Variants in KDM2A observed in about 807,000 individuals in gnomAD.
KDM2A encodes the protein lysine demethylase 2A, also known as lysine-specific demethylase 2A.
A neutral mutation model predicts 137.3 loss-of-function variants in KDM2A; 3 were observed. The observed-to-expected ratio is 0.02, with a 90% confidence interval of 0.01 to 0.06. KDM2A has a LOEUF of 0.06. Ranked by LOEUF, KDM2A falls within the 10% of genes least tolerant of loss-of-function variation. The pLI is 1.00. For synonymous variants in KDM2A, 512 were observed against 541.5 expected (o/e 0.95, Z 0.76); for missense variants, 738 against 1,510.6 (o/e 0.49, Z 8.48).
At position 67,231,643 on chromosome 11, in the gene KDM2A, A is replaced by G; in HGVS notation, c.1162A>G (p.Arg388Gly). ...VDREPRRLSS[R>G]RSVLTSPVAN... is the part of the protein sequence containing the mutation. ...TCGAGAACCCCGACGCTTGAGCAGC[A>G]GGCGTTCTGTCCTCACTAGCCCTGT... is the stretch of plus-strand genomic sequence containing the variant. The change falls in exon 12 of 21, where the codon AGG (arginine) becomes GGG (glycine). Residue 388 changes from arginine to glycine, a missense_variant. This residue lies in a region of KDM2A where 113 missense variants were observed against 133.5 expected (regional missense o/e 0.85). Coordinates refer to ENST00000529006, the MANE Select transcript of KDM2A (RefSeq NM_012308.3). 6.2e-7 allele frequency: 1 copy of G among 1,613,402 alleles called. No individual in the cohort carries two copies. Among genetic ancestry groups the G allele is most frequent in the Non-Finnish European group, 8.5e-7 (1 of 1,179,650 alleles).
chr11:67,145,210 C>T (rs1292228941), intron 2 of KDM2A, among the ~76,000 whole-genome samples: 1 of 151,168 alleles, frequency 6.6e-6, no homozygotes, highest in South Asian at 2.1e-4. Flanking sequence ...TGAGGCTAAT[C>T]GCTGTTGCTC....
At chr11:67,208,541 A>G (rs1328018979) in intron 6 of KDM2A, among the ~76,000 whole-genome samples, 2 of 151,962 alleles carry the variant, frequency 1.3e-5, no homozygotes, top group Non-Finnish European at 2.9e-5. Context: ...GATCCGAGGT[A>G]GGCGGATCAC....
intron 2 of KDM2A, among the ~76,000 whole-genome samples, chr11:67,156,457 G>A (rs769519109): frequency 5.6e-4 from 85 of 151,924 alleles, no homozygotes; most frequent in Non-Finnish European, 7.7e-4. Flanking sequence ...GGTGGCTCTC[G>A]GCTGTAATCC....
intron 16 of KDM2A, 132 bp downstream of exon 16, chr11:67,248,502 G>A (rs558698939): frequency 3.2e-6 from 2 of 618,100 alleles, no homozygotes; most frequent in African/African-American, 1.9e-5. Context: ...GTTTGGTTTG[G>A]TATGTTTTTC....
intron 2 of KDM2A, among the ~76,000 whole-genome samples, chr11:67,172,144 C>CA (rs1225803235): frequency 2.0e-5 from 3 of 152,002 alleles, no homozygotes; most frequent in African/African-American, 7.3e-5. Flanking sequence ...CACACACCAG[C>CA]ACTCCTGGCT....
At chr11:67,188,470 A>G (rs1293877409) in intron 5 of KDM2A, among the ~76,000 whole-genome samples, 1 of 149,974 alleles carries the variant, frequency 6.7e-6, no homozygotes, top group African/African-American at 2.5e-5. Flanking sequence ...CGACAGAGCA[A>G]GACTCTGTCT....
At chr11:67,123,199 C>T (rs988910145) in intron 2 of KDM2A, among the ~76,000 whole-genome samples, 12 of 149,726 alleles carry the variant, frequency 8.0e-5, no homozygotes, top group Non-Finnish European at 1.6e-4. Context: ...TAGTCTTGAA[C>T]TCCTGGCCTC....
At chr11:67,192,849 A>G (rs966662241) in intron 5 of KDM2A, among the ~76,000 whole-genome samples, 1 of 152,142 alleles carries the variant, frequency 6.6e-6, no homozygotes, top group African/African-American at 2.4e-5. Flanking sequence ...TGGGCCAAAG[A>G]GTATACATTT....
intron 3 of KDM2A, 48 bp downstream of exon 3, chr11:67,180,265 C>CAT (rs770179866): frequency 6.3e-7 from 1 of 1,587,098 alleles, no homozygotes. Flanking sequence ...TGTGGGAAGC[C>CAT]ATAGACTCTG....
At chr11:67,125,537 A>G (rs895002795) in intron 2 of KDM2A, among the ~76,000 whole-genome samples, 1 of 151,902 alleles carries the variant, frequency 6.6e-6, no homozygotes, top group Non-Finnish European at 1.5e-5. Context: ...TTTGGGAGGC[A>G]TAGGCAGGAG....
intron 2 of KDM2A, among the ~76,000 whole-genome samples, chr11:67,137,275 T>C (rs1191687951): frequency 2.0e-5 from 3 of 152,150 alleles, no homozygotes; most frequent in African/African-American, 7.2e-5. Context: ...CCTGAAGCCA[T>C]TGGGAAGGCA....
At chr11:67,188,841 A>G (rs1420740725) in intron 5 of KDM2A, among the ~76,000 whole-genome samples, 1 of 152,118 alleles carries the variant, frequency 6.6e-6, no homozygotes, top group Non-Finnish European at 1.5e-5. Context: ...TATATTAATT[A>G]AAGGTTTAAC....
chr11:67,160,761 A>G (rs1856616165), intron 2 of KDM2A, among the ~76,000 whole-genome samples: 1 of 152,114 alleles, frequency 6.6e-6, no homozygotes, highest in African/African-American at 2.4e-5. Context: ...AAAAGAGTGA[A>G]ACTCCATCTC....
At chr11:67,153,984 C>G (rs1590729068) in intron 2 of KDM2A, among the ~76,000 whole-genome samples, 2 of 152,096 alleles carry the variant, frequency 1.3e-5, no homozygotes, top group African/African-American at 4.8e-5. Context: ...TTTTAGCTGC[C>G]TCTCCTAAGA....
chr11:67,155,639 G>A (rs1298903529), intron 2 of KDM2A, among the ~76,000 whole-genome samples: 1 of 147,846 alleles, frequency 6.8e-6, no homozygotes, highest in Non-Finnish European at 1.5e-5. Flanking sequence ...TTTTTGAAAC[G>A]GAGTTTTGTT....
At chr11:67,212,319 G>C (rs1248227381) in intron 6 of KDM2A, among the ~76,000 whole-genome samples, 2 of 152,160 alleles carry the variant, frequency 1.3e-5, no homozygotes, top group East Asian at 3.8e-4. Context: ...ATTTGTAAAA[G>C]TAGGTTCCGG....
intron 2 of KDM2A, among the ~76,000 whole-genome samples, chr11:67,166,735 A>G (rs911886313): frequency 6.6e-6 from 1 of 151,998 alleles, no homozygotes; most frequent in Non-Finnish European, 1.5e-5. Flanking sequence ...GCAACTGGGG[A>G]CCAAGAAGGG....
At chr11:67,214,116 C>A (rs1327643305) in intron 6 of KDM2A, among the ~76,000 whole-genome samples, 3 of 152,114 alleles carry the variant, frequency 2.0e-5, no homozygotes, top group African/African-American at 7.2e-5. Context: ...TCTCGGCTCA[C>A]CAGAACCTCC....
intron 11 of KDM2A, 38 bp downstream of exon 11, chr11:67,228,201 T>A: frequency 6.2e-7 from 1 of 1,604,892 alleles, no homozygotes; most frequent in Non-Finnish European, 8.5e-7. Flanking sequence ...AAGACACCGC[T>A]TAGGTCTGAG....
Sources: gnomAD v4.1 joint callset for allele counts (sites outside exome capture counted in the v4.1 genomes callset) on GRCh38, gnomAD v4.1.1 for gene constraint, gnomAD v4.1.1 regional missense constraint, MANE v1.5 for transcripts, NCBI Gene and HGNC (gene_info 2026-07-23, HGNC 2026-07-21) for gene names.